The following KIAA1217 variants were observed in gnomAD, a reference collection of about 807,000 sequenced individuals.
The protein encoded by KIAA1217 is KIAA1217, also known as sickle tail protein homolog.
A neutral mutation model predicts 163.9 loss-of-function variants in KIAA1217; 88 were observed. The ratio of observed to expected loss-of-function variants is 0.54; its 90% CI spans 0.45 to 0.64. The LOEUF is 0.64. Ranked by LOEUF, KIAA1217 falls within the 30% of genes least tolerant of loss-of-function variation. KIAA1217 has a pLI of 0.00. For missense variants in KIAA1217, 2,372 were observed against 2,475.0 expected (o/e 0.96, Z 0.88); for synonymous variants, 903 against 923.1 (o/e 0.98, Z 0.39).
At chr10:23,987,234 G>A (rs113357208) in intron 1 of KIAA1217, among the ~76,000 whole-genome samples, 12 of 151,812 alleles carry the variant, frequency 7.9e-5, no homozygotes, top group Non-Finnish European at 1.3e-4. Flanking sequence ...AAAATTAGCC[G>A]GGTGTGGTGG....
At chr10:24,502,326 T>A (rs1417120238) in intron 9 of KIAA1217, among the ~76,000 whole-genome samples, 1 of 146,074 alleles carries the variant, frequency 6.8e-6, no homozygotes, top group African/African-American at 2.5e-5. Flanking sequence ...GATGAATTCA[T>A]AAGGAAAAAA....
At chr10:24,201,602 C>G (rs1009670355) in intron 2 of KIAA1217, among the ~76,000 whole-genome samples, 23 of 152,074 alleles carry the variant, frequency 1.5e-4, no homozygotes, top group Non-Finnish European at 2.4e-4. Flanking sequence ...CCAGCACCCC[C>G]TCTACCCACT....
chr10:23,776,896 G>C (rs550923012), intron 1 of KIAA1217, among the ~76,000 whole-genome samples: 71 of 151,872 alleles, frequency 4.7e-4, no homozygotes, highest in African/African-American at 1.7e-3. Context: ...TGGCCAGGCT[G>C]GTCTTGAACA....
At chr10:24,521,561 C>G (rs2071283689) in intron 11 of KIAA1217, among the ~76,000 whole-genome samples, 1 of 152,118 alleles carries the variant, frequency 6.6e-6, no homozygotes, top group Non-Finnish European at 1.5e-5. Flanking sequence ...GGCTTTATCC[C>G]AAATACACAG....
chr10:24,310,317 C>G lies in KIAA1217; in HGVS notation c.355-70552C>G, dbSNP rs191058215. ...TCACAACAACTCGATGAGGTAAGTGCTATTATCTGCAGTTTGCAGAGAAGG... is the reference window on the plus strand; with the variant it reads ...TCACAACAACTCGATGAGGTAAGTGGTATTATCTGCAGTTTGCAGAGAAGG... On this transcript the variant is annotated intron_variant, in intron 2 of 20. Transcript: ENST00000376454. 2.6e-5 allele frequency among the ~76,000 whole-genome samples: 4 copies of G among 152,256 alleles called. No homozygotes were observed. The East Asian group carries it at 7.8e-4, about 30-fold the overall frequency.
chr10:24,317,595 G>A (rs2133208466), intron 2 of KIAA1217, among the ~76,000 whole-genome samples: 1 of 152,262 alleles, frequency 6.6e-6, no homozygotes, highest in Non-Finnish European at 1.5e-5. Context: ...TGGAACCTCT[G>A]AGGTAGGGAA....
At chr10:23,990,943 A>T (rs1846191744) in intron 1 of KIAA1217, among the ~76,000 whole-genome samples, 1 of 152,216 alleles carries the variant, frequency 6.6e-6, no homozygotes, top group Non-Finnish European at 1.5e-5. Context: ...CCTTCATTTT[A>T]TGAGCGAGGG....
At chr10:24,467,767 T>C (rs886233755) in intron 5 of KIAA1217, among the ~76,000 whole-genome samples, 8 of 152,024 alleles carry the variant, frequency 5.3e-5, no homozygotes, top group African/African-American at 1.9e-4. Context: ...CTGGGATATA[T>C]TAATGTGAAT....
At chr10:24,026,275 T>C (rs556419125) in intron 2 of KIAA1217, among the ~76,000 whole-genome samples, 288 of 152,052 alleles carry the variant, frequency 1.9e-3, no homozygotes, top group Non-Finnish European at 3.6e-3. Flanking sequence ...ATGATAATTC[T>C]GGCCTCAGAC....
Position 24,546,131 on chromosome 10 carries a change from C to A in KIAA1217, c.5639C>A (p.Pro1880Gln), listed in dbSNP as rs371035355. The part of the protein sequence containing the change: ...TGKGHHLSFS[P>Q]QSQNGRAPPP... ...AAAGGTCACCATCTTTCATTCTCAC[C>A]GCAGAGTCAAAATGGCCGAGCACCC... Residue 1880 changes from proline (P) to glutamine (Q), a missense_variant, in exon 21 of 21, where the codon CCG (proline) becomes CAG (glutamine). By Grantham distance (76) the Pro-to-Gln change is moderately conservative. Around this residue, in one of 3 missense-constraint regions of KIAA1217, gnomAD observed 690 missense variants for 677.5 expected, o/e 1.02. Coordinates refer to ENST00000376454, the MANE Select transcript of KIAA1217 (RefSeq NM_019590.5). 6.2e-7 allele frequency: 1 copy of A among 1,614,134 alleles called. No individual in the cohort carries two copies. The highest frequency in any genetic ancestry group is 1.6e-4 in the Middle Eastern group (1 of 6,062).
chr10:23,974,496 G>C (rs1845453777), intron 1 of KIAA1217, among the ~76,000 whole-genome samples: 1 of 151,996 alleles, frequency 6.6e-6, no homozygotes, highest in African/African-American at 2.4e-5. Context: ...AAGATAACAT[G>C]CACATACAAT....
intron 1 of KIAA1217, among the ~76,000 whole-genome samples, chr10:23,819,279 C>A (rs768981192): frequency 6.6e-6 from 1 of 152,150 alleles, no homozygotes; most frequent in African/African-American, 2.4e-5. Context: ...CTAGCTAAGA[C>A]AATGTAAGCA....
rs1171415819 is a variant in KIAA1217 at position 23,961,658 on chromosome 10, T to C, written c.-320-45567T>C. Reference sequence around the variant, plus strand: ...GATCCAATTAAGCTTAGGAAAACTGTTCTTTTTGGCAGCAGCTGAGCTAAG... The same window carrying C: ...GATCCAATTAAGCTTAGGAAAACTGCTCTTTTTGGCAGCAGCTGAGCTAAG... On this transcript the variant is annotated intron_variant, in intron 1 of 18. Transcript: ENST00000376462. Among the ~76,000 whole-genome samples the C allele has an allele frequency of 2.0e-5, 3 of 152,308 alleles. No individual in the cohort carries two copies. In the East Asian group the frequency reaches 5.8e-4, roughly 29 times the overall value.
rs1022174196 is a variant in KIAA1217 at position 23,790,582 on chromosome 10, T to C, written c.-321+95348T>C. ...GTACATATGTATATATACATATGTATATGTACATATATACATGTACATATA... is the reference window on the plus strand; with the variant it reads ...GTACATATGTATATATACATATGTACATGTACATATATACATGTACATATA... On this transcript the variant is annotated intron_variant, in intron 1 of 18. Coordinates refer to the KIAA1217 transcript ENST00000376462. Among the ~76,000 whole-genome samples the C allele has an allele frequency of 3.4e-4, 43 of 124,842 alleles. 6 individuals carry two copies. The highest frequency in any genetic ancestry group is 1.1e-3 in the African/African-American group (32 of 29,150). 81.9% of individuals were successfully genotyped at this position (124,842 alleles called of 152,430 possible). A position where few individuals can be genotyped will look rare whatever the true frequency, so the allele number is the denominator to read the frequency against.
At chr10:24,170,515 C>CTCTTTGTTG (rs1554891962) in intron 2 of KIAA1217, among the ~76,000 whole-genome samples, 2 of 152,090 alleles carry the variant, frequency 1.3e-5, no homozygotes, top group Non-Finnish European at 2.9e-5. Flanking sequence ...TGAGGGGAGG[C>CTCTTTGTTG]TCTTTGACAA....
intron 1 of KIAA1217, among the ~76,000 whole-genome samples, chr10:23,873,613 C>T (rs1462829095): frequency 6.6e-6 from 1 of 152,008 alleles, no homozygotes; most frequent in East Asian, 1.9e-4. Context: ...TGATTTCATC[C>T]TCCGCAATTT....
At chr10:23,820,121 A>G (rs1753930929) in intron 1 of KIAA1217, among the ~76,000 whole-genome samples, 1 of 152,176 alleles carries the variant, frequency 6.6e-6, no homozygotes, top group South Asian at 2.1e-4. Context: ...GAGGACCACA[A>G]AGCTCATCGT....
At chr10:24,371,524 T>G (rs554213429) in intron 2 of KIAA1217, among the ~76,000 whole-genome samples, 159 of 152,328 alleles carry the variant, frequency 1.0e-3, no homozygotes, top group African/African-American at 3.1e-3. Flanking sequence ...TGTCTGAAAT[T>G]GATTTGATGG....
At chr10:23,706,941 A>G (rs748270616) in intron 1 of KIAA1217, among the ~76,000 whole-genome samples, 1 of 152,180 alleles carries the variant, frequency 6.6e-6, no homozygotes, top group Non-Finnish European at 1.5e-5. Context: ...CATGGACACC[A>G]GGCGGGGACC....
Sources: gnomAD v4.1 joint callset for allele counts (sites outside exome capture counted in the v4.1 genomes callset) on GRCh38, gnomAD v4.1.1 for gene constraint, gnomAD v4.1.1 regional missense constraint, MANE v1.5 for transcripts, NCBI Gene and HGNC (gene_info 2026-07-23, HGNC 2026-07-21) for gene names.